Variants in TRDN observed in about 807,000 individuals in gnomAD.
The protein encoded by TRDN is triadin.
Under a neutral mutation model 149.7 loss-of-function variants are expected in TRDN, and 161 were observed. The ratio of observed to expected loss-of-function variants is 1.08; its 90% confidence interval spans 0.95 to 1.23. The LOEUF (loss-of-function observed/expected upper bound fraction) is 1.23, where lower values mean the gene tolerates loss of function less well. Among genes scored for constraint, TRDN ranks in the 50% most tolerant of loss-of-function variants. The pLI is 0.00. For synonymous variants in TRDN, 294 were observed against 250.5 expected, an observed-to-expected ratio of 1.17 and a Z score of -1.64; for missense variants, 896 against 823.5, an observed-to-expected ratio of 1.09 and a Z score of -1.08.
rs374670248 is a variant in TRDN, at chr6:123,418,159, C to T, written c.1051+19904G>A. ...TCATAATAGGTAGGGTAAGTGTGAC[C>T]GTTATTTCCCTGGTTTAGGAATACA... On this transcript the variant is annotated intron_variant, in intron 12 of 40. Transcript: ENST00000334268. 9.9e-5 allele frequency among the ~76,000 whole-genome samples: 15 copies of T among 152,084 alleles called. No individual in the cohort carries two copies. In the East Asian group the frequency reaches 1.4e-3, roughly 14 times the overall value.
intron 1 of TRDN, among the ~76,000 whole-genome samples, chr6:123,614,306 AAAAAAAAAC>A (rs1784971531): frequency 1.4e-5 from 2 of 146,692 alleles, no homozygotes; most frequent in Admixed American, 6.7e-5. Context: ...AAAACAAAAA[AAAAAAAAAC>A]AAAAAAAACC....
chr6:123,379,990 A>G (rs1781652414), intron 16 of TRDN, among the ~76,000 whole-genome samples: 1 of 152,208 alleles, frequency 6.6e-6, no homozygotes, highest in African/African-American at 2.4e-5. Flanking sequence ...CATCGAGTAA[A>G]GCAACCCTCA....
intron 23 of TRDN, among the ~76,000 whole-genome samples, chr6:123,329,459 G>C (rs564768605): frequency 1.3e-5 from 2 of 152,120 alleles, no homozygotes; most frequent in South Asian, 4.1e-4. Flanking sequence ...AGATTTATTT[G>C]AGATGTGACT....
intron 5 of TRDN, among the ~76,000 whole-genome samples, chr6:123,528,158 A>G (rs1004926536): frequency 2.0e-5 from 3 of 151,986 alleles, no homozygotes; most frequent in Non-Finnish European, 4.4e-5. Context: ...ATTTCTTAAG[A>G]AAAAGAGTCA....
At chr6:123,237,406 TGC>T (rs2114535567) in intron 38 of TRDN, among the ~76,000 whole-genome samples, 1 of 152,208 alleles carries the variant, frequency 6.6e-6, no homozygotes, top group African/African-American at 2.4e-5. Context: ...AGTGCCACCA[TGC>T]CCGGCTAATT....
intron 1 of TRDN, among the ~76,000 whole-genome samples, chr6:123,581,126 C>T (rs61634127): frequency 0.059 from 8,908 of 152,026 alleles, 352 homozygotes; most frequent in African/African-American, 0.093. Context: ...CAGGTGAAGC[C>T]CATTGCATTT....
At position 123,224,118 on chromosome 6, in the gene TRDN, A is replaced by G. The variant is rs374635516; in HGVS notation, c.1989T>C (p.Asp663=). The stretch of plus-strand genomic sequence containing the variant: ...CTTTAGCTTTCTTTGAAGCTGGTAC[A>G]TCTTCAACATCTTCTAGAGTACAGA... The part of the protein sequence containing the change: ...KPARVSKDVE[D]VPASKKAKEG... Residue 663 remains aspartate (D), a synonymous_variant, in exon 39 of 41, where the codon GAT becomes GAC. Coordinates refer to ENST00000334268, the MANE Select transcript of TRDN (RefSeq NM_006073.4). 2 of 1,610,600 alleles carry G rather than the reference A, an allele frequency of 1.2e-6. No homozygotes were observed. The highest frequency in any genetic ancestry group is 1.3e-5 in the African/African-American group (1 of 74,644).
chr6:123,285,703 A>G (rs2114640512), intron 24 of TRDN, among the ~76,000 whole-genome samples: 1 of 152,284 alleles, frequency 6.6e-6, no homozygotes, highest in South Asian at 2.1e-4. Context: ...TAATTAAACT[A>G]AAGAACTTCT....
rs9388244 is a variant in TRDN at position 123,444,144 on chromosome 6, G to T, written c.932-5141C>A. On this transcript the variant is annotated intron_variant, in intron 10 of 40. Coordinates refer to ENST00000334268, the MANE Select transcript of TRDN (RefSeq NM_006073.4). ...CATTTTCATGATATTGATTCTTCCT[G>T]CCCATGAGCATGGAATGTTCTTCCA... Among the ~76,000 whole-genome samples the T allele has an allele frequency of 3.2e-4, 42 of 130,506 alleles. 2 individuals carry two copies. The highest frequency in any genetic ancestry group is 1.4e-3 in the African/African-American group (40 of 28,958). The allele number at this position is 130,506 out of a possible 152,430, so 85.6% of individuals were successfully genotyped here. A position where few individuals can be genotyped will look rare whatever the true frequency, so the allele number is the denominator to read the frequency against.
rs182046805 is a variant in TRDN at position 123,353,646 on chromosome 6, G to A, written c.1322-1060C>T. Among the ~76,000 whole-genome samples the A allele has an allele frequency of 1.4e-4, 21 of 151,426 alleles. No homozygotes were observed. The East Asian group carries it at 4.1e-3, about 29-fold the overall frequency. On this transcript the variant is annotated intron_variant, in intron 20 of 40. Coordinates refer to ENST00000334268, the MANE Select transcript of TRDN (RefSeq NM_006073.4). ...TGTAAAAAGACAGTGTAATTAAGAA[G>A]GGAAGAAGGAAGGAGGGAGGGAGGG...
intron 20 of TRDN, among the ~76,000 whole-genome samples, chr6:123,365,299 ATAAAT>A (rs560373172): frequency 6.2e-4 from 95 of 152,240 alleles, no homozygotes; most frequent in Admixed American, 2.7e-3. Context: ...AAAATAATCA[ATAAAT>A]TAATTTATAG....
rs561559208 is a variant in TRDN at position 123,331,944 on chromosome 6, C to A, written c.1421-15G>T. 2 of 1,525,688 alleles carry A rather than the reference C, an allele frequency of 1.3e-6. No individual in the cohort carries two copies. The highest frequency in any genetic ancestry group is 1.3e-5 in the South Asian group (1 of 77,648). 94.5% of individuals were successfully genotyped at this position (1,525,688 alleles called of 1,614,324 possible). On this transcript the variant is annotated splice_polypyrimidine_tract_variant and intron_variant, in intron 22 of 40. Coordinates refer to ENST00000334268, the MANE Select transcript of TRDN (RefSeq NM_006073.4). The stretch of plus-strand genomic sequence containing the variant: ...TTTAATAGGTTCTGAAAAGAAACAT[C>A]GGACATTTATTTGAAGCCAAGACAA...
chr6:123,473,069 C>A (rs1194005508), intron 9 of TRDN, among the ~76,000 whole-genome samples: 1 of 152,202 alleles, frequency 6.6e-6, no homozygotes, highest in Non-Finnish European at 1.5e-5. Context: ...AGTTCCTCAC[C>A]AGCAATGGAA....
chr6:123,438,004 T>G lies in TRDN; in HGVS notation c.1051+59A>C, dbSNP rs887125946. 7 of 1,427,076 alleles carry G rather than the reference T, an allele frequency of 4.9e-6. No homozygotes were observed. The Admixed American group carries it at 1.4e-4, about 28-fold the overall frequency. 88.4% of individuals were successfully genotyped at this position (1,427,076 alleles called of 1,614,324 possible). ...ATTTGTGTATGTTGCATGAGGAGTCTTTCATGAAGCAAACATCCTGAACGT... is the reference window on the plus strand; with the variant it reads ...ATTTGTGTATGTTGCATGAGGAGTCGTTCATGAAGCAAACATCCTGAACGT... On this transcript the variant is annotated intron_variant, in intron 12 of 40. Transcript: ENST00000334268.
intron 1 of TRDN, 52 bp from the exon 2 acceptor site, chr6:123,571,184 TTGA>T: frequency 6.3e-7 from 1 of 1,583,584 alleles, no homozygotes; most frequent in Non-Finnish European, 8.6e-7. Context: ...ATGGTAAATA[TTGA>T]TGATGAGAAA....
At chr6:123,389,351 A>C (rs1279362269) in intron 13 of TRDN, 1 of 152,206 alleles carries the variant, frequency 6.6e-6, no homozygotes, top group African/African-American at 2.4e-5. Flanking sequence ...TGCATATTCC[A>C]GTATGGTAAT....
intron 10 of TRDN, among the ~76,000 whole-genome samples, chr6:123,448,672 G>C (rs1165564520): frequency 6.6e-6 from 1 of 151,986 alleles, no homozygotes; most frequent in African/African-American, 2.4e-5. Flanking sequence ...GAAGACAAAA[G>C]GCCACGCCCA....
chr6:123,551,396 G>T (rs9388256), intron 2 of TRDN, among the ~76,000 whole-genome samples: 58,540 of 147,434 alleles, frequency 0.4, 13,325 homozygotes, highest in East Asian at 0.85. Flanking sequence ...TAAGACAGTA[G>T]TCCTGAAGTT....
intron 2 of TRDN, among the ~76,000 whole-genome samples, chr6:123,551,371 ACAC>A (rs1378257151): frequency 1.3e-5 from 2 of 150,574 alleles, no homozygotes; most frequent in Admixed American, 1.3e-4. Flanking sequence ...ACACACACAC[ACAC>A]ACACACTTAA....
Sources: gnomAD v4.1 joint callset for allele counts (sites outside exome capture counted in the v4.1 genomes callset) on GRCh38, gnomAD v4.1.1 for gene constraint, MANE v1.5 for transcripts, NCBI Gene and HGNC (gene_info 2026-07-23, HGNC 2026-07-21) for gene names.